Variants in CCSER1 observed in about 807,000 individuals in gnomAD.
The protein encoded by CCSER1 is serine-rich coiled-coil domain-containing protein 1.
Under a neutral mutation model 82.0 loss-of-function variants are expected in CCSER1, and 41 were observed. The ratio of observed to expected loss-of-function variants is 0.50; its 90% CI spans 0.39 to 0.65. CCSER1 has a LOEUF of 0.65. CCSER1 is among the 30% of genes least tolerant of loss of function. The pLI, the probability that CCSER1 is intolerant of heterozygous loss-of-function variation, is 0.00. For missense variants in CCSER1, 1,119 were observed against 1,064.2 expected (o/e 1.05, Z -0.72); for synonymous variants, 414 against 383.9 (o/e 1.08, Z -0.92).
chr4:91,247,215 T>G (rs1739863952), intron 10 of CCSER1, among the ~76,000 whole-genome samples: 1 of 148,782 alleles, frequency 6.7e-6, no homozygotes, highest in African/African-American at 2.5e-5. Flanking sequence ...GGCAGGAGAA[T>G]GGCATGAACC....
intron 10 of CCSER1, among the ~76,000 whole-genome samples, chr4:91,486,156 A>G (rs1386753429): frequency 2.4e-4 from 36 of 151,846 alleles, no homozygotes; most frequent in Non-Finnish European, 4.3e-4. Context: ...CATATTTACT[A>G]TTATGAAAAT....
chr4:90,942,012 C>T (rs1396907116), intron 9 of CCSER1, among the ~76,000 whole-genome samples: 2 of 151,916 alleles, frequency 1.3e-5, no homozygotes, highest in Admixed American at 1.3e-4. Context: ...GCAAGTGGTG[C>T]GATCTTGACC....
At chr4:91,417,393 T>C (rs577914287) in intron 10 of CCSER1, among the ~76,000 whole-genome samples, 1 of 152,234 alleles carries the variant, frequency 6.6e-6, no homozygotes, top group Admixed American at 6.5e-5. Flanking sequence ...CATGCATGCA[T>C]ATGTTTATTG....
intron 7 of CCSER1, chr4:90,725,100 A>G (rs1398922573): frequency 9.0e-6 from 3 of 333,642 alleles, no homozygotes; most frequent in African/African-American, 4.3e-5. Flanking sequence ...CATTTTCTTT[A>G]TTATTATACA....
intron 9 of CCSER1, among the ~76,000 whole-genome samples, chr4:90,932,998 A>AAGAAAGAAAGAAAGAAAG (rs1730288546): frequency 1.4e-5 from 1 of 72,046 alleles, no homozygotes; most frequent in Non-Finnish European, 2.5e-5. Flanking sequence ...GAAAGAAAGA[A>AAGAAAGAAAGAAAGAAAG]AGAAAGAAAG....
intron 1 of CCSER1, among the ~76,000 whole-genome samples, chr4:90,183,019 T>C (rs1412605956): frequency 6.6e-6 from 1 of 152,086 alleles, no homozygotes; most frequent in Non-Finnish European, 1.5e-5. Flanking sequence ...CAGTTTTATC[T>C]CCTCAATTTT....
At chr4:91,020,980 C>T (rs774146707) in intron 9 of CCSER1, among the ~76,000 whole-genome samples, 2 of 152,008 alleles carry the variant, frequency 1.3e-5, no homozygotes, top group Non-Finnish European at 2.9e-5. Flanking sequence ...TCCTTTAAAT[C>T]GTTAAGAAAA....
Position 91,242,943 on chromosome 4 carries a change from T to G in CCSER1, c.2217+156949T>G, listed in dbSNP as rs75910335. The stretch of plus-strand genomic sequence containing the variant: ...ACACAGAGAAGCTCTACCACAAGAA[T>G]AAAAAATCAGATAACCAATCACAGT... On this transcript the variant is annotated intron_variant, in intron 10 of 10. Transcript: ENST00000509176. Among the ~76,000 whole-genome samples the G allele has an allele frequency of 1.9e-3, 288 of 152,220 alleles. 6 individuals are homozygous for G. The East Asian group carries it at 0.037, about 19-fold the overall frequency.
chr4:90,963,968 T>G (rs1282964270), intron 9 of CCSER1, among the ~76,000 whole-genome samples: 1 of 152,194 alleles, frequency 6.6e-6, no homozygotes, highest in Non-Finnish European at 1.5e-5. Context: ...AAAAACAACA[T>G]TTTTTCTCAC....
chr4:91,585,210 A>G (rs1763930338), intron 10 of CCSER1, among the ~76,000 whole-genome samples: 1 of 151,492 alleles, frequency 6.6e-6, no homozygotes. Flanking sequence ...GGTCTCATAA[A>G]TATATACTTA....
At chr4:90,403,498 C>CAAAAAAAAAA (rs753570201) in intron 4 of CCSER1, among the ~76,000 whole-genome samples, 3 of 45,964 alleles carry the variant, frequency 6.5e-5, no homozygotes, top group Non-Finnish European at 1.3e-4. Context: ...GACTCCGTCT[C>CAAAAAAAAAA]AAAAAAAAAA....
intron 8 of CCSER1, among the ~76,000 whole-genome samples, chr4:90,855,674 A>C (rs1447847311): frequency 6.6e-6 from 1 of 152,128 alleles, no homozygotes; most frequent in Non-Finnish European, 1.5e-5. Flanking sequence ...CTTGGAGATA[A>C]GTGATATTTA....
intron 8 of CCSER1, among the ~76,000 whole-genome samples, chr4:90,877,163 G>A (rs78427742): frequency 0.045 from 6,875 of 152,150 alleles, 284 homozygotes; most frequent in African/African-American, 0.11. Context: ...CTTATAAGGT[G>A]CAGGTAAAAA....
At chr4:91,151,742 A>C (rs1330949841) in intron 10 of CCSER1, among the ~76,000 whole-genome samples, 1 of 152,226 alleles carries the variant, frequency 6.6e-6, no homozygotes, top group East Asian at 1.9e-4. Flanking sequence ...CCCAGTAGTC[A>C]TTCAAGAGCA....
chr4:91,518,660 T>C (rs1760281341), intron 10 of CCSER1, among the ~76,000 whole-genome samples: 1 of 152,144 alleles, frequency 6.6e-6, no homozygotes, highest in Non-Finnish European at 1.5e-5. Context: ...CTCCTCTCTA[T>C]ATAGTGGCTA....
intron 1 of CCSER1, among the ~76,000 whole-genome samples, chr4:90,145,172 A>T (rs1249705121): frequency 6.6e-6 from 1 of 152,154 alleles, no homozygotes; most frequent in African/African-American, 2.4e-5. Flanking sequence ...CCTTTAAAAT[A>T]TTCTAATCTC....
chr4:90,546,019 A>G (rs1273192237), intron 5 of CCSER1, among the ~76,000 whole-genome samples: 2 of 152,136 alleles, frequency 1.3e-5, no homozygotes, highest in Non-Finnish European at 2.9e-5. Context: ...TATAAGATAT[A>G]GTTTGTCCCT....
chr4:91,174,173 G>C (rs999306720), intron 10 of CCSER1, among the ~76,000 whole-genome samples: 12 of 152,158 alleles, frequency 7.9e-5, no homozygotes, highest in Non-Finnish European at 8.8e-5. Context: ...TGTTTAAAGA[G>C]TTAAATCAAC....
chr4:91,409,397 C>T (rs1388987802), intron 10 of CCSER1, among the ~76,000 whole-genome samples: 5 of 152,146 alleles, frequency 3.3e-5, no homozygotes, highest in Admixed American at 2.0e-4. Flanking sequence ...TTAATTTACA[C>T]TGACATTTCC....
Sources: allele counts gnomAD v4.1 joint callset (sites outside exome capture counted in the v4.1 genomes callset), GRCh38; gene constraint gnomAD v4.1.1; transcripts MANE v1.5; gene names NCBI Gene and HGNC (gene_info 2026-07-23, HGNC 2026-07-21).